RTKN2: variants seen among roughly 807,000 people sequenced by gnomAD.
RTKN2 encodes the protein rhotekin-2.
RTKN2 carries 69 observed loss-of-function variants against 71.5 expected under a neutral mutation model. The observed-to-expected ratio is 0.96, with a 90% CI of 0.79 to 1.18. The LOEUF is 1.18. Ranked by LOEUF, RTKN2 falls within the 50% of genes most tolerant of loss-of-function variation. The probability of loss-of-function intolerance (pLI) is 0.00; values close to 1 mark genes in which losing one functional copy is unlikely to be tolerated. For synonymous variants in RTKN2, 236 were observed against 236.5 expected, an observed-to-expected ratio of 1.00 and a Z score of 0.02; for missense variants, 724 against 719.7, an observed-to-expected ratio of 1.01 and a Z score of -0.07.
chr10:62,203,995 C>CA (rs1426892994), intron 10 of RTKN2, among the ~76,000 whole-genome samples: 1 of 152,160 alleles, frequency 6.6e-6, no homozygotes, highest in African/African-American at 2.4e-5. Context: ...CATAGTGCTC[C>CA]AGAAAACAGA....
chr10:62,198,185 G>A lies in RTKN2; in HGVS notation c.1553C>T (p.Ser518Leu), dbSNP rs1841369119. The A allele has an allele frequency of 1.9e-6, 3 of 1,614,022 alleles. No individual in the cohort carries two copies. The highest frequency in any genetic ancestry group is 1.6e-4 in the Middle Eastern group (1 of 6,062). ...PSDKLPFSLKSQSNTDQLVKD... is the reference protein window; with the variant it reads ...PSDKLPFSLKLQSNTDQLVKD... ...AACCAATTGATCTGTGTTACTCTGT[G>A]ATTTTAAGCTGAATGGAAGTTTATC... Residue 518 changes from serine to leucine, a missense_variant, in exon 12 of 12, where the codon TCA (serine) becomes TTA (leucine). Ser to Leu is a moderately radical substitution (Grantham distance 145). Transcript: ENST00000373789.
At chr10:62,266,303 A>G (rs1460833550) in intron 1 of RTKN2, among the ~76,000 whole-genome samples, 1 of 152,220 alleles carries the variant, frequency 6.6e-6, no homozygotes, top group Non-Finnish European at 1.5e-5. Context: ...TGTTGGTATT[A>G]AAAACTGACT....
intron 1 of RTKN2, among the ~76,000 whole-genome samples, chr10:62,263,153 A>T (rs765982644): frequency 3.1e-4 from 47 of 152,224 alleles, no homozygotes; most frequent in Non-Finnish European, 6.0e-4. Context: ...TTATTTGGAT[A>T]CAGGGTTTTG....
chr10:62,231,669 T>C (rs1375833672), intron 6 of RTKN2, among the ~76,000 whole-genome samples: 1 of 152,144 alleles, frequency 6.6e-6, no homozygotes, highest in African/African-American at 2.4e-5. Context: ...CAACATTTTT[T>C]TGGAGGAAGG....
chr10:62,264,883 G>C (rs536063873), intron 1 of RTKN2, among the ~76,000 whole-genome samples: 3 of 151,912 alleles, frequency 2.0e-5, no homozygotes, highest in African/African-American at 7.2e-5. Flanking sequence ...TGGTCAGCTA[G>C]GGTAGAGAAG....
chr10:62,187,843 A>G (rs2132757430), intron 8 of RTKN2, among the ~76,000 whole-genome samples: 1 of 152,340 alleles, frequency 6.6e-6, no homozygotes, highest in South Asian at 2.1e-4. Flanking sequence ...CCAACTACTC[A>G]GAGAGAATCT....
chr10:62,218,157 G>C (rs1179266413), intron 8 of RTKN2, 38 bp downstream of exon 8: 2 of 1,264,622 alleles, frequency 1.6e-6, no homozygotes, highest in South Asian at 1.3e-5. Flanking sequence ...ATTTAAAGTA[G>C]AGCTACAATT....
chr10:62,254,762 A>T (rs10995095), intron 2 of RTKN2, among the ~76,000 whole-genome samples: 17,865 of 152,118 alleles, frequency 0.12, 1,097 homozygotes, highest in African/African-American at 0.14. Flanking sequence ...CAAGATAGCA[A>T]GACCCTGTTT....
intron 2 of RTKN2, chr10:62,259,208 C>A (rs753241155): frequency 2.2e-6 from 1 of 453,312 alleles, no homozygotes; most frequent in Non-Finnish European, 4.4e-6. Context: ...GCTTCTCCTT[C>A]GCCTTCTGCC....
intron 6 of RTKN2, among the ~76,000 whole-genome samples, chr10:62,228,920 C>T (rs1184844191): frequency 1.3e-5 from 2 of 152,054 alleles, no homozygotes; most frequent in African/African-American, 4.8e-5. Flanking sequence ...AGGATATTGG[C>T]AGTTAGAGAG....
intron 10 of RTKN2, among the ~76,000 whole-genome samples, chr10:62,200,110 T>C (rs1334427912): frequency 6.6e-6 from 1 of 152,052 alleles, no homozygotes; most frequent in Admixed American, 6.6e-5. Flanking sequence ...ATGCCTGTAA[T>C]CCCAGCAAGT....
At chr10:62,249,265 A>G (rs1197659498) in intron 2 of RTKN2, among the ~76,000 whole-genome samples, 1 of 152,108 alleles carries the variant, frequency 6.6e-6, no homozygotes, top group Non-Finnish European at 1.5e-5. Context: ...ATGTTGAATG[A>G]CACACATAAT....
intron 10 of RTKN2, among the ~76,000 whole-genome samples, chr10:62,200,151 G>A (rs182363305): frequency 3.7e-4 from 57 of 152,006 alleles, no homozygotes; most frequent in Admixed American, 1.7e-3. Context: ...ATCACCTGAG[G>A]TCAGGAGTCT....
chr10:62,224,636 T>G (rs1841981576), intron 6 of RTKN2, among the ~76,000 whole-genome samples: 1 of 152,032 alleles, frequency 6.6e-6, no homozygotes, highest in African/African-American at 2.4e-5. Flanking sequence ...ATTTGCAAGT[T>G]GGAATGCAAC....
In RTKN2 at chr10:62,262,821, C is replaced by A; in HGVS notation, c.61G>T (p.Asp21Tyr). The change falls in exon 2 of 12, where the codon GAC (aspartate) becomes TAC (tyrosine). Residue 21 changes from aspartate to tyrosine, a missense_variant and splice_region_variant. By Grantham distance (160) the Asp-to-Tyr change is radical. Coordinates refer to ENST00000373789, the MANE Select transcript of RTKN2 (RefSeq NM_145307.4). ...LRLAGLPTQQDCNIQEKIDLE... is the reference protein window; with the variant it reads ...LRLAGLPTQQYCNIQEKIDLE... ...TCTATTTTTTCTTGAATGTTGCAGT[C>A]CTAAAAAAAAAATGCATCTTGAAAA... The A allele has an allele frequency of 1.9e-6, 3 of 1,590,298 alleles. No homozygotes were observed. Among genetic ancestry groups the A allele is most frequent in the Non-Finnish European group, 2.6e-6 (3 of 1,168,580 alleles).
At position 62,198,107 on chromosome 10, in the gene RTKN2, T is replaced by G. The variant is rs372798162; in HGVS notation, c.1631A>C (p.Lys544Thr). The change falls in exon 12 of 12, where the codon AAA becomes ACA. Residue 544 changes from lysine (K) to threonine (T), a missense_variant. Physicochemically the swap from Lys to Thr is moderately conservative, Grantham distance 78. Transcript: ENST00000373789. ...SVSQTSSLDT[K>T]LSTLMHHLQK... ...TAAGTGATGCATTAGAGTTGATAGT[T>G]TGGTATCCAAAGACGATGTCTGAGA... 2.5e-6 allele frequency: 4 copies of G among 1,614,152 alleles called. No homozygotes were observed. Among genetic ancestry groups the G allele is most frequent in the Non-Finnish European group, 3.4e-6 (4 of 1,180,000 alleles).
At chr10:62,238,769 T>C (rs1842310446) in intron 5 of RTKN2, 1 of 151,896 alleles carries the variant, frequency 6.6e-6, no homozygotes, top group African/African-American at 2.4e-5. Flanking sequence ...TATGGTTTAC[T>C]ATAGGTTTTT....
intron 2 of RTKN2, among the ~76,000 whole-genome samples, chr10:62,259,847 C>T (rs7076775): frequency 0.76 from 115,428 of 152,050 alleles, 43,905 homozygotes; most frequent in East Asian, 0.9. Context: ...CCACTTCACC[C>T]GGCCTCTTTT....
chr10:62,234,981 A>T (rs1203984638), intron 6 of RTKN2, among the ~76,000 whole-genome samples: 1 of 152,096 alleles, frequency 6.6e-6, no homozygotes, highest in Non-Finnish European at 1.5e-5. Flanking sequence ...AACTGAATCT[A>T]ATCAGTCCTC....
Sources: gnomAD v4.1 joint callset for allele counts (sites outside exome capture counted in the v4.1 genomes callset) on GRCh38, gnomAD v4.1.1 for gene constraint, MANE v1.5 for transcripts, NCBI Gene and HGNC (gene_info 2026-07-23, HGNC 2026-07-21) for gene names.